Variants in SLC35F1 observed in about 807,000 individuals in gnomAD.
SLC35F1 encodes the protein solute carrier family 35 member F1, also known as chromosome 6 open reading frame 169.
SLC35F1 carries 14 observed loss-of-function variants against 48.7 expected under a neutral mutation model. That is an observed-to-expected ratio of 0.29 (90% CI 0.19 to 0.45). SLC35F1 has a LOEUF of 0.45. Ranked by LOEUF, SLC35F1 falls within the 20% of genes least tolerant of loss-of-function variation. The pLI is 1.00. For missense variants in SLC35F1, 404 were observed against 500.0 expected (o/e 0.81, Z 1.83); for synonymous variants, 190 against 202.2 (o/e 0.94, Z 0.51).
intron 1 of SLC35F1, among the ~76,000 whole-genome samples, chr6:118,146,427 G>T (rs1479131821): frequency 6.6e-6 from 1 of 152,098 alleles, no homozygotes; most frequent in African/African-American, 2.4e-5. Flanking sequence ...GTGATTCCAT[G>T]TCAGTCCCTG....
chr6:118,001,554 TC>T (rs1451417289), intron 1 of SLC35F1, among the ~76,000 whole-genome samples: 1 of 152,044 alleles, frequency 6.6e-6, no homozygotes, highest in Non-Finnish European at 1.5e-5. Context: ...GGACTTCATG[TC>T]TAAAACACCA....
chr6:118,309,561 G>C (rs1456079281), intron 7 of SLC35F1, among the ~76,000 whole-genome samples: 1 of 152,164 alleles, frequency 6.6e-6, no homozygotes, highest in African/African-American at 2.4e-5. Flanking sequence ...AGTCAAGCTA[G>C]AAAAAGAAAG....
intron 2 of SLC35F1, among the ~76,000 whole-genome samples, chr6:118,227,169 T>A (rs1019557716): frequency 2.5e-4 from 38 of 152,200 alleles, no homozygotes; most frequent in Non-Finnish European, 1.6e-4. Context: ...CTGAGAAGGC[T>A]GCTTTCTGGA....
intron 7 of SLC35F1, among the ~76,000 whole-genome samples, chr6:118,292,851 A>G (rs1182667082): frequency 6.6e-6 from 1 of 152,158 alleles, no homozygotes; most frequent in Non-Finnish European, 1.5e-5. Flanking sequence ...AAATTCATCT[A>G]TCTGAAAGGC....
chr6:117,924,000 C>CAT (rs565559953), intron 1 of SLC35F1, among the ~76,000 whole-genome samples: 1 of 150,462 alleles, frequency 6.6e-6, no homozygotes, highest in East Asian at 1.9e-4. Context: ...CATATATACA[C>CAT]ATACATGTGT....
At chr6:118,266,722 G>T (rs1198164760) in intron 3 of SLC35F1, among the ~76,000 whole-genome samples, 1 of 152,170 alleles carries the variant, frequency 6.6e-6, no homozygotes, top group Non-Finnish European at 1.5e-5. Context: ...GCACCTGGAG[G>T]CAGGAGACTC....
chr6:118,089,205 T>G (rs4945611), intron 1 of SLC35F1, among the ~76,000 whole-genome samples: 86,626 of 151,906 alleles, frequency 0.57, 25,484 homozygotes, highest in East Asian at 0.86. Context: ...AATTTACTAA[T>G]ATGCGGAAGA....
At chr6:117,965,128 T>C (rs1438039202) in intron 1 of SLC35F1, among the ~76,000 whole-genome samples, 4 of 152,178 alleles carry the variant, frequency 2.6e-5, no homozygotes, top group African/African-American at 9.7e-5. Flanking sequence ...GGAACTCAGA[T>C]AAGACAAATA....
At chr6:117,915,232 G>A (rs933187250) in intron 1 of SLC35F1, among the ~76,000 whole-genome samples, 3 of 152,120 alleles carry the variant, frequency 2.0e-5, no homozygotes, top group Non-Finnish European at 2.9e-5. Flanking sequence ...TTAGCATTTA[G>A]ACAATGACTC....
At chr6:117,931,295 T>C (rs1192224084) in intron 1 of SLC35F1, among the ~76,000 whole-genome samples, 9 of 152,228 alleles carry the variant, frequency 5.9e-5, no homozygotes, top group Admixed American at 5.9e-4. Flanking sequence ...AAGAATAATG[T>C]ATATGTCAAT....
At chr6:117,988,572 G>A (rs1776877653) in intron 1 of SLC35F1, among the ~76,000 whole-genome samples, 1 of 152,102 alleles carries the variant, frequency 6.6e-6, no homozygotes, top group African/African-American at 2.4e-5. Flanking sequence ...AAGTGTGAAA[G>A]TTGTTTCAAT....
chr6:118,188,426 T>C (rs925636822), intron 2 of SLC35F1, among the ~76,000 whole-genome samples: 1 of 152,050 alleles, frequency 6.6e-6, no homozygotes, highest in Admixed American at 6.5e-5. Context: ...GGCATGCACC[T>C]GTAATCCCAG....
At chr6:117,955,023 A>G (rs1336073927) in intron 1 of SLC35F1, among the ~76,000 whole-genome samples, 1 of 152,260 alleles carries the variant, frequency 6.6e-6, no homozygotes, top group Non-Finnish European at 1.5e-5. Context: ...TTCACCATGT[A>G]TTCCTAGACT....
intron 1 of SLC35F1, among the ~76,000 whole-genome samples, chr6:117,956,360 C>T (rs1321142545): frequency 6.6e-6 from 1 of 152,206 alleles, no homozygotes; most frequent in Non-Finnish European, 1.5e-5. Context: ...CTTTGCCTTG[C>T]CCAGCTGGAG....
At chr6:118,108,815 C>T (rs1312583822) in intron 1 of SLC35F1, among the ~76,000 whole-genome samples, 2 of 152,062 alleles carry the variant, frequency 1.3e-5, no homozygotes, top group African/African-American at 2.4e-5. Context: ...AGTTTAGCTT[C>T]TTATGTTACA....
chr6:117,986,323 A>G (rs962756498), intron 1 of SLC35F1, among the ~76,000 whole-genome samples: 1 of 152,212 alleles, frequency 6.6e-6, no homozygotes, highest in Non-Finnish European at 1.5e-5. Flanking sequence ...TTCAGGAAAA[A>G]TAAATGTCAG....
intron 7 of SLC35F1, among the ~76,000 whole-genome samples, chr6:118,294,079 G>A (rs1474906000): frequency 6.6e-6 from 1 of 152,234 alleles, no homozygotes; most frequent in Non-Finnish European, 1.5e-5. Flanking sequence ...GTGACCAGCA[G>A]TGATACAGTT....
rs541660427 is a variant in SLC35F1 at position 118,049,497 on chromosome 6, T to G, written c.174-104948T>G. Among the ~76,000 whole-genome samples, 46 of 151,932 alleles carry G rather than the reference T, an allele frequency of 3.0e-4. 1 individual carries two copies. In the East Asian group the frequency reaches 7.9e-3, roughly 26 times the overall value. Reference sequence around the variant, plus strand: ...AAGGGCTAATATCCAGAATCTACAATGAACTCAAACAAATTTACAAGAAAA... The same window carrying G: ...AAGGGCTAATATCCAGAATCTACAAGGAACTCAAACAAATTTACAAGAAAA... On this transcript the variant is annotated intron_variant, in intron 1 of 7. Transcript: ENST00000360388.
intron 2 of SLC35F1, among the ~76,000 whole-genome samples, chr6:118,169,214 A>G (rs1408460047): frequency 6.6e-6 from 1 of 152,206 alleles, no homozygotes; most frequent in Non-Finnish European, 1.5e-5. Context: ...AAATGTAGCA[A>G]TGATCACTCC....
Sources: gnomAD v4.1 joint callset for allele counts (sites outside exome capture counted in the v4.1 genomes callset) on GRCh38, gnomAD v4.1.1 for gene constraint, MANE v1.5 for transcripts, NCBI Gene and HGNC (gene_info 2026-07-23, HGNC 2026-07-21) for gene names.